Variants in KIZ observed in about 807,000 individuals in gnomAD.
The protein encoded by KIZ is kizuna centrosomal protein.
KIZ carries 68 observed loss-of-function variants against 79.6 expected under a neutral mutation model. The ratio of observed to expected loss-of-function variants is 0.85; its 90% CI spans 0.70 to 1.05. The LOEUF is 1.05. Ranked by LOEUF, KIZ falls within the 50% of genes least tolerant of loss-of-function variation. The probability of loss-of-function intolerance (pLI) is 0.00; values close to 1 mark genes in which losing one functional copy is unlikely to be tolerated. For synonymous variants in KIZ, 280 were observed against 281.8 expected (o/e 0.99, Z 0.06); for missense variants, 797 against 800.4 (o/e 1.00, Z 0.05).
At chr20:21,206,404 A>G (rs1006950796) in intron 7 of KIZ, among the ~76,000 whole-genome samples, 20 of 152,200 alleles carry the variant, frequency 1.3e-4, no homozygotes, top group African/African-American at 4.8e-4. Context: ...GGCGGAGGTC[A>G]TGATGGAGGG....
At chr20:21,203,427 C>T (rs941521743) in intron 6 of KIZ, among the ~76,000 whole-genome samples, 6 of 152,138 alleles carry the variant, frequency 3.9e-5, no homozygotes, top group Non-Finnish European at 8.8e-5. Flanking sequence ...CCGGGCAGCA[C>T]ATAATGTTTT....
intron 11 of KIZ, among the ~76,000 whole-genome samples, chr20:21,241,797 C>T (rs1600633239): frequency 1.3e-5 from 2 of 152,312 alleles, no homozygotes; most frequent in South Asian, 2.1e-4. Context: ...TGACGACTAA[C>T]ACACACTCGC....
chr20:21,186,309 A>G (rs2034873561), intron 6 of KIZ, among the ~76,000 whole-genome samples: 1 of 151,926 alleles, frequency 6.6e-6, no homozygotes, highest in Non-Finnish European at 1.5e-5. Context: ...CAGCTGTGTC[A>G]CACATCACAT....
chr20:21,173,589 A>G (rs1292226150), intron 6 of KIZ, among the ~76,000 whole-genome samples: 2 of 144,446 alleles, frequency 1.4e-5, no homozygotes, highest in Non-Finnish European at 3.0e-5. Flanking sequence ...AAAAAAAAAA[A>G]AAAAAAAGAA....
chr20:21,160,083 A>G (rs924335384), intron 4 of KIZ, among the ~76,000 whole-genome samples: 1 of 152,096 alleles, frequency 6.6e-6, no homozygotes, highest in South Asian at 2.1e-4. Context: ...TCTAAGTTGA[A>G]CCTTCTCATA....
At chr20:21,232,914 A>G in intron 11 of KIZ, 84 bp downstream of exon 11, 1 of 713,944 alleles carries the variant, frequency 1.4e-6, no homozygotes, top group Non-Finnish European at 2.6e-6. Context: ...GCTGCGTATT[A>G]TTTTGTTGTA....
At chr20:21,242,510 C>T (rs1356745234) in intron 11 of KIZ, among the ~76,000 whole-genome samples, 1 of 146,222 alleles carries the variant, frequency 6.8e-6, no homozygotes, top group African/African-American at 2.6e-5. Flanking sequence ...AGTGTACTGG[C>T]AGTGCCCAGG....
intron 9 of KIZ, among the ~76,000 whole-genome samples, chr20:21,227,516 G>C (rs924182763): frequency 6.6e-6 from 1 of 151,906 alleles, no homozygotes; most frequent in East Asian, 1.9e-4. Flanking sequence ...AAACTTTTTG[G>C]TTGATTTTTA....
At chr20:21,166,892 C>T (rs143406974) in intron 6 of KIZ, among the ~76,000 whole-genome samples, 9 of 152,208 alleles carry the variant, frequency 5.9e-5, no homozygotes, top group Non-Finnish European at 8.8e-5. Flanking sequence ...CACGCCCAGC[C>T]TGAAGCCAGA....
At chr20:21,132,027 A>G in intron 1 of KIZ, 70 bp from the exon 2 acceptor site, 1 of 712,006 alleles carries the variant, frequency 1.4e-6, no homozygotes, top group Non-Finnish European at 2.4e-6. Context: ...TATTTCAAAG[A>G]AGAGCATGGT....
chr20:21,243,258 A>G (rs1239185547), intron 11 of KIZ, among the ~76,000 whole-genome samples: 1 of 152,122 alleles, frequency 6.6e-6, no homozygotes, highest in African/African-American at 2.4e-5. Context: ...TTTAAAGGGA[A>G]CACTGAAAGG....
intron 7 of KIZ, among the ~76,000 whole-genome samples, chr20:21,207,903 G>C (rs1017852478): frequency 6.6e-6 from 1 of 152,048 alleles, no homozygotes; most frequent in Non-Finnish European, 1.5e-5. Context: ...AGTAGAGACA[G>C]GGTTTCACCG....
At chr20:21,210,896 A>G (rs995703279) in intron 7 of KIZ, among the ~76,000 whole-genome samples, 4 of 151,996 alleles carry the variant, frequency 2.6e-5, no homozygotes, top group African/African-American at 9.7e-5. Context: ...TTCTTTTTTC[A>G]TAATTTGCCA....
At chr20:21,216,697 C>T (rs1276306744) in intron 9 of KIZ, among the ~76,000 whole-genome samples, 2 of 152,128 alleles carry the variant, frequency 1.3e-5, no homozygotes, top group East Asian at 3.8e-4. Flanking sequence ...TAGATGATCC[C>T]AAACTACAGA....
In KIZ at chr20:21,230,151, T is replaced by C. The variant is rs148692039; in HGVS notation, c.1783+1036T>C. Among the ~76,000 whole-genome samples the C allele has an allele frequency of 3.8e-3, 579 of 152,260 alleles. 2 individuals are homozygous for C. Among genetic ancestry groups the C allele is most frequent in the African/African-American group, 0.013 (551 of 41,554 alleles). On this transcript the variant is annotated intron_variant, in intron 10 of 12. Coordinates refer to ENST00000619189, the MANE Select transcript of KIZ (RefSeq NM_018474.6). ...TTTCTAAATAGCATGTAATTCCCAG[T>C]CCATATTCAGATTTCCCAGTTGTCT...
intron 6 of KIZ, among the ~76,000 whole-genome samples, chr20:21,186,026 A>G (rs2034864877): frequency 6.6e-6 from 1 of 152,322 alleles, no homozygotes; most frequent in African/African-American, 2.4e-5. Context: ...ATGAAAAATA[A>G]TGGAAAGTAT....
chr20:21,136,598 TG>T (rs1417232958), intron 3 of KIZ, 46 bp downstream of exon 3: 43 of 1,338,576 alleles, frequency 3.2e-5, no homozygotes, highest in South Asian at 7.6e-5. Context: ...TGTTGTTGTG[TG>T]TTTTTTTTTT....
chr20:21,238,204 A>T (rs549582961), intron 11 of KIZ, among the ~76,000 whole-genome samples: 176 of 148,612 alleles, frequency 1.2e-3, no homozygotes, highest in South Asian at 2.9e-3. Flanking sequence ...TAGCTCCACC[A>T]TTCACTCTAG....
intron 11 of KIZ, among the ~76,000 whole-genome samples, chr20:21,238,350 A>AGTGTGT (rs1423366763): frequency 1.6e-4 from 13 of 79,354 alleles, no homozygotes; most frequent in African/African-American, 3.7e-4. Flanking sequence ...AGAGAGAGAG[A>AGTGTGT]GAGTGTGTGT....
Sources: allele counts gnomAD v4.1 joint callset (sites outside exome capture counted in the v4.1 genomes callset), GRCh38; gene constraint gnomAD v4.1.1; transcripts MANE v1.5; gene names NCBI Gene and HGNC (gene_info 2026-07-23, HGNC 2026-07-21).